USP28: variants seen among roughly 807,000 people sequenced by gnomAD.
The protein encoded by USP28 is ubiquitin carboxyl-terminal hydrolase 28.
Under a neutral mutation model 145.0 loss-of-function variants are expected in USP28, and 113 were observed. The ratio of observed to expected loss-of-function variants is 0.78; its 90% CI spans 0.67 to 0.91. USP28 has a LOEUF of 0.91. Ranked by LOEUF, USP28 falls within the 40% of genes least tolerant of loss-of-function variation. The pLI, the probability that USP28 is intolerant of heterozygous loss-of-function variation, is 0.00. For missense variants in USP28, 1,201 were observed against 1,289.6 expected (o/e 0.93, Z 1.05); for synonymous variants, 447 against 450.9 (o/e 0.99, Z 0.11).
intron 5 of USP28, among the ~76,000 whole-genome samples, chr11:113,835,593 G>C (rs1013842914): frequency 6.6e-6 from 1 of 152,192 alleles, no homozygotes; most frequent in Non-Finnish European, 1.5e-5. Flanking sequence ...GGCTTGGCTG[G>C]TGAGCTGTAT....
chr11:113,834,662 C>T (rs1212635797), intron 5 of USP28, among the ~76,000 whole-genome samples: 1 of 152,142 alleles, frequency 6.6e-6, no homozygotes, highest in African/African-American at 2.4e-5. Flanking sequence ...AAGGGATCTG[C>T]CCGCTTTGGC....
rs138701962 is a variant in USP28 at position 113,822,371 on chromosome 11, C to A, written c.1283+1234G>T. ...GGCTGAGGCAGAAGAATCGCTTGAACCCAGGAGGCGGAGGTTGCAGCGAGC... is the reference window on the plus strand; with the variant it reads ...GGCTGAGGCAGAAGAATCGCTTGAAACCAGGAGGCGGAGGTTGCAGCGAGC... On this transcript the variant is annotated intron_variant, in intron 12 of 24. Transcript: ENST00000003302. 3.7e-3 allele frequency: 566 copies of A among 152,488 alleles called. 5 individuals are homozygous for A. Among genetic ancestry groups the A allele is most frequent in the Middle Eastern group, 0.013 (4 of 300 alleles). The allele number at this position is 152,488 out of a possible 1,614,324, so 9.4% of individuals were successfully genotyped here.
At chr11:113,815,104 G>C (rs1941527990) in intron 14 of USP28, 70 bp downstream of exon 14, 1 of 1,363,448 alleles carries the variant, frequency 7.3e-7, no homozygotes, top group Non-Finnish European at 1.0e-6. Context: ...GTGTACCGAG[G>C]TGCTTAACCT....
chr11:113,865,811 C>A (rs559212762), intron 1 of USP28, among the ~76,000 whole-genome samples: 2 of 152,276 alleles, frequency 1.3e-5, no homozygotes, highest in African/African-American at 4.8e-5. Context: ...ACCAAAAGCA[C>A]AAGCAACAAA....
At chr11:113,800,569 G>A (rs1337573630) in intron 24 of USP28, among the ~76,000 whole-genome samples, 1 of 152,178 alleles carries the variant, frequency 6.6e-6, no homozygotes, top group Non-Finnish European at 1.5e-5. Flanking sequence ...GGGACTACAA[G>A]TGTCAGCCAC....
chr11:113,829,094 TG>T, intron 10 of USP28, 102 bp downstream of exon 10: 2 of 1,490,622 alleles, frequency 1.3e-6, no homozygotes, highest in Non-Finnish European at 1.8e-6. Flanking sequence ...TTCTGCTAAG[TG>T]TAAAGTTACT....
chr11:113,800,429 A>G (rs1177959615), intron 24 of USP28, among the ~76,000 whole-genome samples: 2 of 152,050 alleles, frequency 1.3e-5, no homozygotes, highest in African/African-American at 2.4e-5. Flanking sequence ...CAGGCTCCTG[A>G]GTAGCTAGAA....
exon 20 of USP28, chr11:113,804,938 C>T (rs1367675812): frequency 6.2e-7 from 1 of 1,614,040 alleles, no homozygotes; most frequent in Non-Finnish European, 8.5e-7. Flanking sequence ...CTTTTGGGTG[C>T]TTCATTTTGG....
intron 10 of USP28, among the ~76,000 whole-genome samples, chr11:113,828,492 G>C (rs535851683): frequency 1.5e-3 from 227 of 152,210 alleles, no homozygotes; most frequent in African/African-American, 5.3e-3. Context: ...CTCATGTTAG[G>C]CTCCCTATTT....
rs1591368110 is a variant in USP28, at chr11:113,842,327, T to C, written c.269-559A>G. 2.0e-5 allele frequency among the ~76,000 whole-genome samples: 3 copies of C among 152,198 alleles called. No individual in the cohort carries two copies. The South Asian group carries it at 6.2e-4, about 32-fold the overall frequency. The stretch of plus-strand genomic sequence containing the variant: ...TTGGCTGGGCGCAGTGGCTTATGCC[T>C]GTAATCCCAGCACTTTGGGAGGCCG... On this transcript the variant is annotated intron_variant, in intron 3 of 24. Transcript: ENST00000003302.
chr11:113,824,738 C>A (rs1943093096), intron 11 of USP28, among the ~76,000 whole-genome samples: 1 of 151,500 alleles, frequency 6.6e-6, no homozygotes, highest in Non-Finnish European at 1.5e-5. Flanking sequence ...CAAGACCAGC[C>A]TGACCAACGT....
At chr11:113,836,297 T>C (rs1210058024) in intron 5 of USP28, among the ~76,000 whole-genome samples, 2 of 152,132 alleles carry the variant, frequency 1.3e-5, no homozygotes, top group Non-Finnish European at 2.9e-5. Flanking sequence ...ACAAGTCCCT[T>C]GGCCTCTGAC....
chr11:113,845,833 C>T (rs1945772374), intron 3 of USP28, among the ~76,000 whole-genome samples: 1 of 152,182 alleles, frequency 6.6e-6, no homozygotes, highest in South Asian at 2.1e-4. Context: ...CCTCAGCCTC[C>T]CAAAGTGCTG....
intron 1 of USP28, among the ~76,000 whole-genome samples, chr11:113,856,609 GCACTATAC>G (rs1310652053): frequency 2.6e-5 from 4 of 152,160 alleles, no homozygotes; most frequent in African/African-American, 9.7e-5. Context: ...GATAAGGGAT[GCACTATAC>G]CACGCTGTAT....
chr11:113,827,186 T>C, intron 11 of USP28, 47 bp downstream of exon 11: 1 of 1,581,212 alleles, frequency 6.3e-7, no homozygotes, highest in East Asian at 2.2e-5. Flanking sequence ...TGCTCATCTC[T>C]ACTGCTGTAA....
intron 13 of USP28, among the ~76,000 whole-genome samples, chr11:113,816,875 T>C (rs1288969156): frequency 6.6e-6 from 1 of 152,210 alleles, no homozygotes; most frequent in African/African-American, 2.4e-5. Context: ...CCCAGACTCA[T>C]GTCACTCCTT....
intron 1 of USP28, among the ~76,000 whole-genome samples, chr11:113,869,078 T>G (rs1476576658): frequency 6.6e-6 from 1 of 150,764 alleles, no homozygotes; most frequent in Admixed American, 6.6e-5. Context: ...GATGACTTGG[T>G]TCATAAGTTT....
At chr11:113,862,376 G>T (rs1421241591) in intron 1 of USP28, among the ~76,000 whole-genome samples, 1 of 152,192 alleles carries the variant, frequency 6.6e-6, no homozygotes, top group African/African-American at 2.4e-5. Flanking sequence ...GATCAGAGAG[G>T]TGATGTGGGA....
chr11:113,821,553 G>A, intron 12 of USP28: 1 of 196,750 alleles, frequency 5.1e-6, no homozygotes, highest in South Asian at 1.0e-4. Context: ...AGCTGCAACA[G>A]AATCAGCATT....
Sources: gnomAD v4.1 joint callset for allele counts (sites outside exome capture counted in the v4.1 genomes callset) on GRCh38, gnomAD v4.1.1 for gene constraint, MANE v1.5 for transcripts, NCBI Gene and HGNC (gene_info 2026-07-23, HGNC 2026-07-21) for gene names.